The following XCR1 variants were observed in gnomAD, a reference collection of about 807,000 sequenced individuals.
The protein encoded by XCR1 is chemokine XC receptor 1.
For synonymous variants in XCR1, 187 were observed against 188.5 expected (o/e 0.99, Z 0.06); for missense variants, 356 against 424.2 (o/e 0.84, Z 1.41).
At chr3:46,063,025 T>C (rs1352141889) in intron 4 of XCR1, among the ~76,000 whole-genome samples, 2 of 152,202 alleles carry the variant, frequency 1.3e-5, no homozygotes, top group African/African-American at 4.8e-5. Flanking sequence ...AGAGACCTGG[T>C]TGTTAAAATT....
Position 46,085,180 on chromosome 3 carries a change from A to G in XCR1, c.-515+614T>C, listed in dbSNP as rs147583719. Among the ~76,000 whole-genome samples, 1,440 of 150,458 alleles carry G rather than the reference A, an allele frequency of 9.6e-3. 15 individuals are homozygous for G. The highest frequency in any genetic ancestry group is 0.015 in the Non-Finnish European group (1,043 of 67,772). ...TGATAGCTAATACATGGAGCAGCCT[A>G]TGTCTGCTCTAAGCATTTGACATAT... On this transcript the variant is annotated intron_variant, in intron 1 of 5. Transcript: ENST00000683768.
At chr3:46,022,112 C>T in intron 1 of XCR1, 134 bp from the exon 2 acceptor site, 2 of 742,380 alleles carry the variant, frequency 2.7e-6, no homozygotes, top group East Asian at 2.8e-5. Flanking sequence ...CCATCCCAGG[C>T]AATATAGTGA....
chr3:46,065,149 T>C (rs1288600440), intron 4 of XCR1, among the ~76,000 whole-genome samples: 1 of 152,128 alleles, frequency 6.6e-6, no homozygotes, highest in Non-Finnish European at 1.5e-5. Flanking sequence ...AGCCAAGCTC[T>C]ACTCAACTTT....
intron 1 of XCR1, among the ~76,000 whole-genome samples, chr3:46,022,899 T>G (rs560155745): frequency 1.4e-5 from 2 of 139,986 alleles, no homozygotes; most frequent in Non-Finnish European, 3.2e-5. Flanking sequence ...TGTTGGAATT[T>G]GTAAATATGT....
intron 1 of XCR1, among the ~76,000 whole-genome samples, chr3:46,082,416 C>T (rs1405304315): frequency 5.3e-5 from 8 of 150,188 alleles, no homozygotes; most frequent in African/African-American, 2.0e-4. Flanking sequence ...CATACACACA[C>T]ACACACACAC....
At chr3:46,043,028 C>A (rs60813993) in intron 5 of XCR1, among the ~76,000 whole-genome samples, 15,319 of 152,000 alleles carry the variant, frequency 0.1, 2,598 homozygotes, top group African/African-American at 0.35. Flanking sequence ...ATAAAAAAAT[C>A]AATAATGTAA....
chr3:46,076,345 A>G (rs1445439671), intron 2 of XCR1, among the ~76,000 whole-genome samples: 1 of 152,198 alleles, frequency 6.6e-6, no homozygotes, highest in Non-Finnish European at 1.5e-5. Context: ...AATGTAAGGT[A>G]TGAGTCCTGC....
chr3:46,045,830 T>A (rs2125898504), intron 5 of XCR1, among the ~76,000 whole-genome samples: 1 of 152,272 alleles, frequency 6.6e-6, no homozygotes, highest in South Asian at 2.1e-4. Context: ...GAACCAAACA[T>A]AAAGCTACCG....
Position 46,021,799 on chromosome 3 carries a change from C to A in XCR1, c.149G>T (p.Ser50Ile). 5 of 1,614,126 alleles carry A rather than the reference C, an allele frequency of 3.1e-6. No homozygotes were observed. Among genetic ancestry groups the A allele is most frequent in the Non-Finnish European group, 4.2e-6 (5 of 1,180,028 alleles). The change falls in exon 2 of 2, where the codon AGC becomes ATC. Residue 50 changes from serine (S) to isoleucine (I), a missense_variant. Transcript: ENST00000309285. This position sits in a 1 kb window ranked among gnomAD's most constrained non-coding sequence, Gnocchi z 4.7. ...CTTCACCAGGACCCACAGGACCAGGCTGTTGCCCACTAGGCTGAGGAGAAA... is the reference window on the plus strand; with the variant it reads ...CTTCACCAGGACCCACAGGACCAGGATGTTGCCCACTAGGCTGAGGAGAAA... ...LVFLLSLVGN[S>I]LVLWVLVKYE... is the part of the protein sequence containing the mutation.
intron 5 of XCR1, among the ~76,000 whole-genome samples, chr3:46,034,702 A>G (rs1697386723): frequency 6.6e-6 from 1 of 152,232 alleles, no homozygotes; most frequent in Non-Finnish European, 1.5e-5. Flanking sequence ...AATAATATAC[A>G]TGGTACCCAC....
At chr3:46,077,624 G>T (rs189729602) in intron 1 of XCR1, among the ~76,000 whole-genome samples, 1 of 151,932 alleles carries the variant, frequency 6.6e-6, no homozygotes, top group African/African-American at 2.4e-5. Context: ...CATGAAACTC[G>T]TCCCTGGTGC....
chr3:46,084,489 T>C lies in XCR1; in HGVS notation c.-515+1305A>G, dbSNP rs1399691703. On this transcript the variant is annotated intron_variant, in intron 1 of 5. Transcript: ENST00000683768. ...TAGACTAACTGATGCCAAGTAGCTA[T>C]AAAATGCCATGCACTGGACGCCATA... Among the ~76,000 whole-genome samples, 9 of 152,190 alleles carry C rather than the reference T, an allele frequency of 5.9e-5. No homozygotes were observed. The East Asian group carries it at 1.7e-3, about 29-fold the overall frequency.
At chr3:46,084,957 G>A (rs4682805) in intron 1 of XCR1, among the ~76,000 whole-genome samples, 60,082 of 151,966 alleles carry the variant, frequency 0.4, 16,211 homozygotes, top group African/African-American at 0.77. Context: ...ATAAAAGTTG[G>A]ATTTTTTTTT....
intron 4 of XCR1, among the ~76,000 whole-genome samples, chr3:46,059,505 T>G (rs1476893656): frequency 6.6e-6 from 1 of 152,194 alleles, no homozygotes; most frequent in Non-Finnish European, 1.5e-5. Context: ...TTGCAGCCTG[T>G]GAACATTTGA....
At chr3:46,034,978 C>A (rs770849607) in intron 5 of XCR1, among the ~76,000 whole-genome samples, 1 of 152,046 alleles carries the variant, frequency 6.6e-6, no homozygotes, top group Non-Finnish European at 1.5e-5. Flanking sequence ...TCTTTTGAGA[C>A]GGAGTCTCAC....
intron 2 of XCR1, among the ~76,000 whole-genome samples, chr3:46,075,520 T>C (rs1698243502): frequency 6.6e-6 from 1 of 151,774 alleles, no homozygotes; most frequent in Non-Finnish European, 1.5e-5. Context: ...ATATAATACA[T>C]AAAAGAAAGA....
intron 5 of XCR1, among the ~76,000 whole-genome samples, chr3:46,050,447 G>A (rs1209952049): frequency 6.6e-6 from 1 of 152,084 alleles, no homozygotes; most frequent in African/African-American, 2.4e-5. Context: ...ATTGGTATGG[G>A]GAAGTTGTTT....
intron 1 of XCR1, among the ~76,000 whole-genome samples, chr3:46,084,611 T>G (rs1559498541): frequency 1.3e-5 from 2 of 152,240 alleles, no homozygotes; most frequent in African/African-American, 4.8e-5. Context: ...ATCAGCTCAC[T>G]CCTTGCTTTC....
chr3:46,035,099 T>C (rs1261703836), intron 5 of XCR1, among the ~76,000 whole-genome samples: 1 of 152,044 alleles, frequency 6.6e-6, no homozygotes, highest in Non-Finnish European at 1.5e-5. Context: ...GGATTACAGG[T>C]GCTCACCACC....
Sources: allele counts gnomAD v4.1 joint callset (sites outside exome capture counted in the v4.1 genomes callset), GRCh38; gene constraint gnomAD v4.1.1; non-coding constraint Gnocchi (gnomAD v3.1); transcripts MANE v1.5; gene names NCBI Gene and HGNC (gene_info 2026-07-23, HGNC 2026-07-21).